The following CTNNA2 variants were observed in gnomAD, a reference collection of about 807,000 sequenced individuals.
CTNNA2 encodes catenin alpha 2.
A neutral mutation model predicts 101.0 loss-of-function variants in CTNNA2; 42 were observed. That is an observed-to-expected ratio of 0.42 (90% confidence interval 0.32 to 0.54). The LOEUF (loss-of-function observed/expected upper bound fraction) is 0.54. CTNNA2 is among the 20% of genes least tolerant of loss of function. The pLI is 0.14. For synonymous variants in CTNNA2, 450 were observed against 456.4 expected, an observed-to-expected ratio of 0.99 and a Z score of 0.18; for missense variants, 871 against 1,223.1, an observed-to-expected ratio of 0.71 and a Z score of 4.29.
intron 7 of CTNNA2, among the ~76,000 whole-genome samples, chr2:79,992,234 AT>A (rs1303242392): frequency 6.6e-6 from 1 of 152,202 alleles, no homozygotes; most frequent in East Asian, 1.9e-4. Context: ...ATTTATATTC[AT>A]TTGAATTTAA....
At position 80,227,277 on chromosome 2, in the gene CTNNA2, T is replaced by A. The variant is rs558830721; in HGVS notation, c.1057-165934T>A. Among the ~76,000 whole-genome samples, 23 of 152,342 alleles carry A rather than the reference T, an allele frequency of 1.5e-4. No individual in the cohort carries two copies. In the South Asian group the frequency reaches 4.8e-3, roughly 32 times the overall value. On this transcript the variant is annotated intron_variant, in intron 7 of 18. Coordinates refer to ENST00000402739, the MANE Select transcript of CTNNA2 (RefSeq NM_001282597.3). ...TTCATGAAATAATAATAAGCACTAC[T>A]GTTTTTTGAATACTTACCAAGTGTC... is the stretch of plus-strand genomic sequence containing the variant.
chr2:79,388,800 T>G (rs1433583668), intron 4 of CTNNA2, among the ~76,000 whole-genome samples: 1 of 152,140 alleles, frequency 6.6e-6, no homozygotes, highest in Non-Finnish European at 1.5e-5. Flanking sequence ...TTTTAATTTT[T>G]TTATTATTTT....
At chr2:79,231,548 G>C (rs1674493588) in intron 2 of CTNNA2, among the ~76,000 whole-genome samples, 1 of 152,150 alleles carries the variant, frequency 6.6e-6, no homozygotes. Flanking sequence ...CTTTTTGTTT[G>C]TTTGTTTGTT....
At chr2:79,384,376 T>TTCTCTCTCTCTCTCTCTC (rs11267995) in intron 4 of CTNNA2, among the ~76,000 whole-genome samples, 1 of 104,540 alleles carries the variant, frequency 9.6e-6, no homozygotes, top group Non-Finnish European at 1.9e-5. Context: ...TGCATATTTC[T>TTCTCTCTCTCTCTCTCTC]TCTCTCTCTC....
At chr2:80,611,663 C>A (rs930448126) in intron 17 of CTNNA2, among the ~76,000 whole-genome samples, 8 of 151,428 alleles carry the variant, frequency 5.3e-5, no homozygotes, top group African/African-American at 1.9e-4. Flanking sequence ...CATTCCATGA[C>A]CTTTAATATT....
chr2:80,058,744 G>T (rs1697389296), intron 7 of CTNNA2, among the ~76,000 whole-genome samples: 2 of 151,798 alleles, frequency 1.3e-5, no homozygotes, highest in Admixed American at 1.3e-4. Context: ...CTTTCATTGC[G>T]CAAATGCAAC....
intron 3 of CTNNA2, among the ~76,000 whole-genome samples, chr2:79,818,849 G>A (rs76255195): frequency 0.18 from 14,861 of 81,810 alleles, 1,265 homozygotes; most frequent in East Asian, 0.37. Flanking sequence ...ATATATATAT[G>A]GATGTATGTG....
At chr2:79,350,207 T>C (rs1677357058) in intron 3 of CTNNA2, among the ~76,000 whole-genome samples, 1 of 152,078 alleles carries the variant, frequency 6.6e-6, no homozygotes, top group Non-Finnish European at 1.5e-5. Context: ...AAGGTGAGGT[T>C]TGTGCTTCTA....
Position 80,073,688 on chromosome 2 carries a change from G to T in CTNNA2, c.1056+163891G>T, listed in dbSNP as rs73940934. ...AGAACCCAAGTGCCAGTGTGCAGGC[G>T]CTCTCTGGTTTGTTCATAAAACAAA... On this transcript the variant is annotated intron_variant, in intron 7 of 18. Coordinates refer to ENST00000402739, the MANE Select transcript of CTNNA2 (RefSeq NM_001282597.3). 3.1e-3 allele frequency among the ~76,000 whole-genome samples: 472 copies of T among 150,986 alleles called. 3 individuals carry two copies. Among genetic ancestry groups the T allele is most frequent in the African/African-American group, 0.011 (443 of 41,132 alleles).
intron 4 of CTNNA2, among the ~76,000 whole-genome samples, chr2:79,495,210 A>C (rs1434370938): frequency 2.6e-5 from 4 of 152,242 alleles, no homozygotes; most frequent in African/African-American, 9.6e-5. Flanking sequence ...AAAGTATTTT[A>C]CAAATTTTGT....
intron 3 of CTNNA2, among the ~76,000 whole-genome samples, chr2:79,766,768 T>G (rs1245339700): frequency 1.3e-5 from 2 of 152,164 alleles, no homozygotes; most frequent in African/African-American, 4.8e-5. Flanking sequence ...TTTTTCTTTT[T>G]TTTTTAACAC....
intron 7 of CTNNA2, among the ~76,000 whole-genome samples, chr2:80,050,379 C>T (rs962886433): frequency 6.6e-6 from 1 of 152,236 alleles, no homozygotes; most frequent in African/African-American, 2.4e-5. Flanking sequence ...GACTCGGGGT[C>T]TGTGGCTTCC....
intron 7 of CTNNA2, among the ~76,000 whole-genome samples, chr2:80,027,573 G>A (rs80324025): frequency 6.6e-6 from 1 of 152,170 alleles, no homozygotes; most frequent in Non-Finnish European, 1.5e-5. Flanking sequence ...GGCAAGAGAG[G>A]TTGAGGCTTA....
At chr2:79,603,992 G>A (rs1213656146) in intron 1 of CTNNA2, among the ~76,000 whole-genome samples, 1 of 152,152 alleles carries the variant, frequency 6.6e-6, no homozygotes, top group African/African-American at 2.4e-5. Context: ...CCCTGACTTG[G>A]GGGACAGCAG....
chr2:79,961,962 T>A (rs933049759), intron 7 of CTNNA2, among the ~76,000 whole-genome samples: 2 of 152,158 alleles, frequency 1.3e-5, no homozygotes, highest in African/African-American at 4.8e-5. Flanking sequence ...TCCAAAGGTA[T>A]AATTTAAAGG....
At chr2:80,116,399 G>A (rs948321137) in intron 7 of CTNNA2, among the ~76,000 whole-genome samples, 5 of 148,806 alleles carry the variant, frequency 3.4e-5, no homozygotes, top group Non-Finnish European at 5.9e-5. Context: ...AAAAAAGAAC[G>A]ACACAATTAG....
intron 1 of CTNNA2, among the ~76,000 whole-genome samples, chr2:79,517,471 T>C (rs2103854251): frequency 6.6e-6 from 1 of 152,288 alleles, no homozygotes; most frequent in African/African-American, 2.4e-5. Context: ...AACACAAATA[T>C]ATTTCTAAAA....
chr2:79,906,315 C>G (rs1211524167), intron 6 of CTNNA2, among the ~76,000 whole-genome samples: 1 of 147,830 alleles, frequency 6.8e-6, no homozygotes, highest in African/African-American at 2.6e-5. Flanking sequence ...CACACACAGA[C>G]ACACACCCAC....
At chr2:79,233,599 A>G (rs1674522610) in intron 2 of CTNNA2, among the ~76,000 whole-genome samples, 1 of 152,070 alleles carries the variant, frequency 6.6e-6, no homozygotes, top group East Asian at 1.9e-4. Context: ...TAAGTCCAGA[A>G]TTTGTTTTAG....
Sources: gnomAD v4.1 joint callset for allele counts (sites outside exome capture counted in the v4.1 genomes callset) on GRCh38, gnomAD v4.1.1 for gene constraint, MANE v1.5 for transcripts, NCBI Gene and HGNC (gene_info 2026-07-23, HGNC 2026-07-21) for gene names.